RGL1: variants seen among roughly 807,000 people sequenced by gnomAD.
RGL1 encodes the protein ral guanine nucleotide dissociation stimulator like 1.
In RGL1, 24 loss-of-function variants were observed where a neutral mutation model predicts 95.2. That is an observed-to-expected ratio of 0.25 (90% CI 0.18 to 0.35). The LOEUF is 0.35. Ranked by LOEUF, RGL1 falls within the 10% of genes least tolerant of loss-of-function variation. RGL1 has a pLI of 1.00. For synonymous variants in RGL1, 329 were observed against 344.9 expected, an observed-to-expected ratio of 0.95 and a Z score of 0.51; for missense variants, 715 against 936.3, an observed-to-expected ratio of 0.76 and a Z score of 3.08.
At chr1:183,644,402 G>A (rs369528410) in intron 1 of RGL1, among the ~76,000 whole-genome samples, 4 of 152,140 alleles carry the variant, frequency 2.6e-5, no homozygotes, top group African/African-American at 7.2e-5. Flanking sequence ...TTGACATATA[G>A]CTCTCACTCA....
chr1:183,653,327 C>T (rs1056910477), intron 1 of RGL1: 2 of 152,194 alleles, frequency 1.3e-5, no homozygotes, highest in African/African-American at 2.4e-5. Flanking sequence ...GATTGGGTGC[C>T]ATGGTAACGT....
chr1:183,691,283 T>A (rs1653931262), intron 1 of RGL1, among the ~76,000 whole-genome samples: 1 of 152,208 alleles, frequency 6.6e-6, no homozygotes, highest in African/African-American at 2.4e-5. Flanking sequence ...TTGGAGCCCC[T>A]CTTTGGGCCA....
At chr1:183,859,806 C>A (rs1438470811) in intron 3 of RGL1, among the ~76,000 whole-genome samples, 1 of 152,150 alleles carries the variant, frequency 6.6e-6, no homozygotes, top group Non-Finnish European at 1.5e-5. Context: ...TTTGTCTTTC[C>A]CCTTGAATAA....
Position 183,922,302 on chromosome 1 carries a change from G to A in RGL1, c.2085G>A (p.Glu695=), listed in dbSNP as rs538910266. Residue 695 remains glutamate (E), a synonymous_variant, in exon 17 of 18, where the codon GAG becomes GAA. Coordinates refer to ENST00000360851, the MANE Select transcript of RGL1 (RefSeq NM_001297671.3). The part of the protein sequence containing the change: ...KHNLDSDPAE[E]YELVQVISED... ...ATCTGGACTCAGACCCCGCCGAGGA[G>A]TACGAGCTGGTGCAGGTCATCTCGG... 3 of 1,614,088 alleles carry A rather than the reference G, an allele frequency of 1.9e-6. No individual in the cohort carries two copies. In the African/African-American group the frequency reaches 4.0e-5, roughly 22 times the overall value.
chr1:183,884,640 C>CAATT (rs1275713400), intron 6 of RGL1, 83 bp from the exon 7 acceptor site: 2 of 1,172,314 alleles, frequency 1.7e-6, no homozygotes, highest in Non-Finnish European at 1.2e-6. Flanking sequence ...ACAAAAATAC[C>CAATT]AATTTACAAA....
intron 7 of RGL1, among the ~76,000 whole-genome samples, chr1:183,887,734 T>TA (rs1667201006): frequency 6.6e-6 from 1 of 152,200 alleles, no homozygotes; most frequent in Non-Finnish European, 1.5e-5. Flanking sequence ...TATGGTAGCT[T>TA]AAGTTTAAAT....
chr1:183,811,240 T>C lies in RGL1; in HGVS notation c.138+4755T>C, dbSNP rs113238575. 2.3e-3 allele frequency among the ~76,000 whole-genome samples: 347 copies of C among 152,286 alleles called. 2 individuals are homozygous for C. Among genetic ancestry groups the C allele is most frequent in the African/African-American group, 7.7e-3 (318 of 41,552 alleles). The stretch of plus-strand genomic sequence containing the variant: ...ATTCATTTTAACGAACATTCCCCAG[T>C]GCCTTTTAAAACCAAGAGGTCCAGT... On this transcript the variant is annotated intron_variant, in intron 2 of 17. Transcript: ENST00000360851.
At chr1:183,784,313 C>G (rs1219642723) in intron 2 of RGL1, among the ~76,000 whole-genome samples, 1 of 152,184 alleles carries the variant, frequency 6.6e-6, no homozygotes, top group Non-Finnish European at 1.5e-5. Context: ...AATACAGGAA[C>G]AGGTGGCACT....
intron 2 of RGL1, among the ~76,000 whole-genome samples, chr1:183,816,452 A>C (rs1662095972): frequency 6.6e-6 from 1 of 152,172 alleles, no homozygotes; most frequent in Non-Finnish European, 1.5e-5. Context: ...CACGTTGATT[A>C]GCTTATACAG....
chr1:183,785,229 C>T (rs550479482), intron 2 of RGL1, among the ~76,000 whole-genome samples: 2 of 152,324 alleles, frequency 1.3e-5, no homozygotes, highest in African/African-American at 4.8e-5. Context: ...GGCCTTAGCC[C>T]ATCTCCCATT....
chr1:183,782,409 T>G (rs2500100), intron 2 of RGL1, among the ~76,000 whole-genome samples: 5,906 of 152,318 alleles, frequency 0.039, 184 homozygotes, highest in Non-Finnish European at 0.066. Context: ...ACAGGGAAGC[T>G]GGGAGGAATA....
At chr1:183,798,878 C>CT (rs35765152) in intron 2 of RGL1, among the ~76,000 whole-genome samples, 3,391 of 88,170 alleles carry the variant, frequency 0.038, 200 homozygotes, top group Non-Finnish European at 0.057. Flanking sequence ...GCAGGATTTC[C>CT]TTTTTTTTTT....
At chr1:183,692,708 A>G (rs1487920497) in intron 1 of RGL1, among the ~76,000 whole-genome samples, 4 of 152,302 alleles carry the variant, frequency 2.6e-5, no homozygotes, top group African/African-American at 9.6e-5. Flanking sequence ...TGAAGGGAAT[A>G]TGGAACAAAC....
intron 1 of RGL1, among the ~76,000 whole-genome samples, chr1:183,703,603 T>C (rs1217560440): frequency 6.6e-6 from 1 of 152,272 alleles, no homozygotes; most frequent in Non-Finnish European, 1.5e-5. Context: ...TTATCGTCTA[T>C]GTTAAGACAA....
At chr1:183,775,789 A>T (rs1659560030) in intron 2 of RGL1, among the ~76,000 whole-genome samples, 2 of 152,196 alleles carry the variant, frequency 1.3e-5, no homozygotes, top group African/African-American at 4.8e-5. Flanking sequence ...CACTTTAGTT[A>T]ACTCAGGATT....
chr1:183,708,649 C>T (rs917139623), intron 1 of RGL1, among the ~76,000 whole-genome samples: 8 of 152,252 alleles, frequency 5.3e-5, no homozygotes, highest in African/African-American at 1.9e-4. Flanking sequence ...TCAGTGAGTG[C>T]CTGGCACATG....
At chr1:183,830,266 C>T (rs1214415681) in intron 2 of RGL1, among the ~76,000 whole-genome samples, 1 of 152,094 alleles carries the variant, frequency 6.6e-6, no homozygotes, top group Non-Finnish European at 1.5e-5. Flanking sequence ...TCAGACACCT[C>T]AAACAATATC....
intron 1 of RGL1, among the ~76,000 whole-genome samples, chr1:183,731,627 G>C (rs1440814197): frequency 6.6e-6 from 1 of 152,114 alleles, no homozygotes; most frequent in Non-Finnish European, 1.5e-5. Flanking sequence ...ATTTTGAAAG[G>C]CCATGACAAA....
chr1:183,806,373 A>G lies in RGL1; in HGVS notation c.28-2A>G. 10 of 1,610,474 alleles carry G rather than the reference A, an allele frequency of 6.2e-6. No individual in the cohort carries two copies. The highest frequency in any genetic ancestry group is 7.6e-6 in the Non-Finnish European group (9 of 1,176,906). ...TCTTTCTCTTTATCCCGTCCCTGGC[A>G]GAGCTCGATTCAGGACTGGGGTGAA... On this transcript the variant is annotated splice_acceptor_variant, in intron 1 of 17. Transcript: ENST00000360851. LOFTEE classifies it high-confidence loss of function.
Sources: allele counts gnomAD v4.1 joint callset (sites outside exome capture counted in the v4.1 genomes callset), GRCh38; gene constraint gnomAD v4.1.1; transcripts MANE v1.5; gene names NCBI Gene and HGNC (gene_info 2026-07-23, HGNC 2026-07-21).